EXOC4: variants seen among roughly 807,000 people sequenced by gnomAD.
EXOC4 encodes the protein SEC8-like 1.
In EXOC4, 71 loss-of-function variants were observed where a neutral mutation model predicts 107.2. The observed-to-expected ratio is 0.66, with a 90% CI of 0.55 to 0.81. The LOEUF is 0.81. Among genes scored for constraint, EXOC4 ranks in the 30% least tolerant of loss-of-function variants. EXOC4 has a pLI of 0.00. For synonymous variants in EXOC4, 456 were observed against 441.2 expected (o/e 1.03, Z -0.42); for missense variants, 1,108 against 1,189.6 (o/e 0.93, Z 1.01).
intron 9 of EXOC4, among the ~76,000 whole-genome samples, chr7:133,531,417 A>G (rs1244351397): frequency 6.6e-6 from 1 of 152,192 alleles, no homozygotes; most frequent in Non-Finnish European, 1.5e-5. Flanking sequence ...AATATGGTCT[A>G]GTTGGCTTCT....
intron 10 of EXOC4, among the ~76,000 whole-genome samples, chr7:133,782,707 C>T (rs1349887468): frequency 6.6e-6 from 1 of 152,158 alleles, no homozygotes; most frequent in Non-Finnish European, 1.5e-5. Context: ...AAATGAATGC[C>T]AGGAATGACT....
intron 13 of EXOC4, among the ~76,000 whole-genome samples, chr7:133,928,459 C>T (rs1433619646): frequency 6.6e-6 from 1 of 152,158 alleles, no homozygotes; most frequent in Non-Finnish European, 1.5e-5. Flanking sequence ...GGTGAAGGAC[C>T]ATTTGCCTCC....
intron 15 of EXOC4, among the ~76,000 whole-genome samples, chr7:133,999,934 G>A (rs1794493750): frequency 6.6e-6 from 1 of 152,126 alleles, no homozygotes; most frequent in Admixed American, 6.6e-5. Context: ...CAGTGCTATA[G>A]CACTGGTTGC....
chr7:133,263,068 G>T (rs374223122), intron 1 of EXOC4, among the ~76,000 whole-genome samples: 1 of 152,122 alleles, frequency 6.6e-6, no homozygotes, highest in Admixed American at 6.5e-5. Flanking sequence ...ATGTGACTTT[G>T]CTCCTCATTC....
At chr7:133,459,720 A>T (rs1377683158) in intron 7 of EXOC4, among the ~76,000 whole-genome samples, 1 of 152,180 alleles carries the variant, frequency 6.6e-6, no homozygotes, top group African/African-American at 2.4e-5. Context: ...TGTTTGATGG[A>T]TGTATATAAT....
chr7:133,562,358 TG>T (rs1265454539), intron 9 of EXOC4, among the ~76,000 whole-genome samples: 2 of 152,172 alleles, frequency 1.3e-5, no homozygotes, highest in Non-Finnish European at 2.9e-5. Flanking sequence ...AGGGTTCTCA[TG>T]GTGTTGCTCT....
chr7:134,082,401 C>T, the EXOC4 span, among the ~76,000 whole-genome samples: 2 of 152,096 alleles, frequency 1.3e-5, no homozygotes, highest in African/African-American at 4.8e-5. Context: ...TCTTGGTTTT[C>T]GTTGGTTTTA....
At chr7:133,307,099 G>A (rs1362913416) in intron 4 of EXOC4, among the ~76,000 whole-genome samples, 1 of 152,132 alleles carries the variant, frequency 6.6e-6, no homozygotes, top group African/African-American at 2.4e-5. Flanking sequence ...ATATAGACAA[G>A]AAGAGCACTG....
intron 9 of EXOC4, among the ~76,000 whole-genome samples, chr7:133,623,483 A>G (rs1382893892): frequency 6.6e-6 from 1 of 152,220 alleles, no homozygotes; most frequent in East Asian, 1.9e-4. Flanking sequence ...TGTTCATTCA[A>G]CAAATATGTA....
intron 17 of EXOC4, among the ~76,000 whole-genome samples, chr7:134,008,331 A>G (rs1794691365): frequency 6.6e-6 from 1 of 152,176 alleles, no homozygotes; most frequent in Non-Finnish European, 1.5e-5. Flanking sequence ...TCCCCTATCA[A>G]TAACGTTGTT....
At chr7:133,316,447 T>C (rs995136901) in intron 4 of EXOC4, among the ~76,000 whole-genome samples, 3 of 152,266 alleles carry the variant, frequency 2.0e-5, no homozygotes, top group African/African-American at 7.2e-5. Flanking sequence ...CTGTTGTAGA[T>C]AGTGTGCGAG....
intron 9 of EXOC4, among the ~76,000 whole-genome samples, chr7:133,597,575 A>T: frequency 9.7e-6 from 1 of 103,590 alleles, no homozygotes; most frequent in Admixed American, 9.7e-5. Context: ...AAAAAAAAAA[A>T]CCCAAAAAAA....
At chr7:133,488,114 G>A (rs1584954459) in intron 9 of EXOC4, among the ~76,000 whole-genome samples, 2 of 152,216 alleles carry the variant, frequency 1.3e-5, no homozygotes, top group Non-Finnish European at 2.9e-5. Context: ...ATTTGAAAAT[G>A]AAGTTTGGAT....
intron 6 of EXOC4, among the ~76,000 whole-genome samples, chr7:133,370,699 AT>A (rs1480194797): frequency 3.9e-5 from 6 of 152,098 alleles, no homozygotes; most frequent in African/African-American, 7.2e-5. Flanking sequence ...TGGCTTAGTG[AT>A]TTTGGGGTCG....
intron 6 of EXOC4, among the ~76,000 whole-genome samples, chr7:133,361,426 G>T (rs921751844): frequency 6.6e-6 from 1 of 152,036 alleles, no homozygotes; most frequent in African/African-American, 2.4e-5. Flanking sequence ...GACTACAGGT[G>T]CCTGCCACCA....
intron 9 of EXOC4, among the ~76,000 whole-genome samples, chr7:133,597,566 A>AAAAAAAACCCCC (rs1801708110): frequency 1.4e-5 from 2 of 147,062 alleles, no homozygotes; most frequent in African/African-American, 5.2e-5. Flanking sequence ...AAAAAAAAAA[A>AAAAAAAACCCCC]AAAAAAAAAC....
intron 9 of EXOC4, among the ~76,000 whole-genome samples, chr7:133,589,458 C>T (rs991921288): frequency 6.6e-6 from 1 of 152,212 alleles, no homozygotes; most frequent in Non-Finnish European, 1.5e-5. Flanking sequence ...CAGGATCACA[C>T]TGGTAAAGCC....
intron 7 of EXOC4, among the ~76,000 whole-genome samples, chr7:133,412,303 C>A (rs1235062221): frequency 1.4e-4 from 1 of 7,210 alleles, no homozygotes; most frequent in Non-Finnish European, 3.2e-4. Flanking sequence ...TTTTTTTTTG[C>A]CAGTATTTGG....
intron 7 of EXOC4, among the ~76,000 whole-genome samples, chr7:133,442,019 T>C (rs1232260555): frequency 6.6e-6 from 1 of 152,236 alleles, no homozygotes; most frequent in East Asian, 1.9e-4. Context: ...TCTGACCACT[T>C]GGTCATTCAG....
Sources: allele counts gnomAD v4.1 joint callset (sites outside exome capture counted in the v4.1 genomes callset), GRCh38; gene constraint gnomAD v4.1.1; transcripts MANE v1.5; gene names NCBI Gene and HGNC (gene_info 2026-07-23, HGNC 2026-07-21).